The following SUCO variants were observed in gnomAD, a reference collection of about 807,000 sequenced individuals.
SUCO encodes the protein SUN domain-containing ossification factor.
Under a neutral mutation model 148.1 loss-of-function variants are expected in SUCO, and 57 were observed. The ratio of observed to expected loss-of-function variants is 0.38; its 90% CI spans 0.31 to 0.48. The LOEUF (loss-of-function observed/expected upper bound fraction) is 0.48. SUCO is among the 20% of genes least tolerant of loss of function. The probability of loss-of-function intolerance (pLI) is 0.96; values close to 1 mark genes in which losing one functional copy is unlikely to be tolerated. For missense variants in SUCO, 1,331 were observed against 1,468.2 expected (o/e 0.91, Z 1.53); for synonymous variants, 470 against 502.7 (o/e 0.93, Z 0.87).
Position 172,602,749 on chromosome 1 carries a change from T to C in SUCO, c.3227T>C (p.Leu1076Pro). 1 of 1,613,176 alleles carries C rather than the reference T, an allele frequency of 6.2e-7. No individual in the cohort carries two copies. Among genetic ancestry groups the C allele is most frequent in the Non-Finnish European group, 8.5e-7 (1 of 1,179,654 alleles). Residue 1076 changes from leucine to proline, a missense_variant, in exon 22 of 24, where the codon CTC becomes CCC. Transcript: ENST00000263688. ...TTGAAAAGAAGAACTTCATTCCCAC[T>C]CATGAGATCCAAGTCTCTACAGTTA... ...MNLKRRTSFP[L>P]MRSKSLQLTG...
chr1:172,533,126 A>G, upstream of SUCO: 3 of 1,439,728 alleles, frequency 2.1e-6, no homozygotes, highest in South Asian at 4.4e-5. Flanking sequence ...TCACGGAGCA[A>G]GGCCCCCGGC....
rs199539904 is a variant in SUCO at position 172,555,897 on chromosome 1, C to T, written c.317C>T (p.Pro106Leu). ...ACAGAGTCAAAAAAGTTAAGTCCAC[C>T]GGTGGTGGAGACACTCCCTACAGTT... ...QNTESKKLSP[P>L]VVETLPTVDL... The change falls in exon 4 of 24, where the codon CCG becomes CTG. Residue 106 changes from proline to leucine, a missense_variant. Coordinates refer to ENST00000263688, the MANE Select transcript of SUCO (RefSeq NM_014283.5). 2.3e-4 allele frequency: 369 copies of T among 1,611,110 alleles called. No individual in the cohort carries two copies. Among genetic ancestry groups the T allele is most frequent in the Admixed American group, 1.9e-3 (112 of 59,814 alleles).
chr1:172,559,972 C>T (rs1231453827), intron 6 of SUCO, among the ~76,000 whole-genome samples: 3 of 151,650 alleles, frequency 2.0e-5, no homozygotes, highest in South Asian at 4.2e-4. Context: ...AGATACTCCT[C>T]CTTAATCTTA....
At chr1:172,599,230 G>A (rs1356166272) in intron 19 of SUCO, among the ~76,000 whole-genome samples, 1 of 152,188 alleles carries the variant, frequency 6.6e-6, no homozygotes. Context: ...TCGGGAGGCT[G>A]AGGCAGGAGA....
chr1:172,537,735 T>C (rs1652129206), intron 1 of SUCO, among the ~76,000 whole-genome samples: 1 of 152,224 alleles, frequency 6.6e-6, no homozygotes. Context: ...AGCTTATATT[T>C]AGACTTTCGG....
At position 172,557,334 on chromosome 1, in the gene SUCO, G is replaced by A. The variant is rs778188388; in HGVS notation, c.498G>A (p.Gln166=). ...IPIAKPSETE[Q]SETDCDVGEA... ...TAGCCAAACCAAGTGAAACTGAGCA[G>A]TCTGAAACTGATTGTGATGTTGGTG... The change falls in exon 5 of 24, where the codon CAG becomes CAA. Residue 166 remains glutamine (Q), a synonymous_variant. Coordinates refer to ENST00000263688, the MANE Select transcript of SUCO (RefSeq NM_014283.5). The A allele has an allele frequency of 2.1e-5, 34 of 1,613,916 alleles. No homozygotes were observed. The highest frequency in any genetic ancestry group is 2.7e-5 in the Non-Finnish European group (32 of 1,179,924).
intron 6 of SUCO, among the ~76,000 whole-genome samples, chr1:172,567,582 C>A (rs549915578): frequency 6.6e-6 from 1 of 152,230 alleles, no homozygotes; most frequent in East Asian, 1.9e-4. Context: ...ATTGTTTCCA[C>A]TGCTCTGTTT....
At chr1:172,571,441 TC>T (rs1204350543) in intron 9 of SUCO, among the ~76,000 whole-genome samples, 2 of 151,848 alleles carry the variant, frequency 1.3e-5, no homozygotes, top group African/African-American at 4.8e-5. Context: ...TGCCTTGGCC[TC>T]CCAAAGTGCC....
intron 6 of SUCO, among the ~76,000 whole-genome samples, chr1:172,566,362 C>T (rs1654551116): frequency 6.6e-6 from 1 of 152,230 alleles, no homozygotes; most frequent in Non-Finnish European, 1.5e-5. Flanking sequence ...TTCTCTCCAT[C>T]TCTGCTGTTG....
chr1:172,558,747 G>A (rs1653928502), intron 6 of SUCO, among the ~76,000 whole-genome samples: 1 of 152,206 alleles, frequency 6.6e-6, no homozygotes, highest in Non-Finnish European at 1.5e-5. Flanking sequence ...AAGTTTAGTT[G>A]TCAGATATCA....
intron 1 of SUCO, among the ~76,000 whole-genome samples, chr1:172,536,009 A>G (rs984861400): frequency 6.6e-6 from 1 of 152,238 alleles, no homozygotes; most frequent in Non-Finnish European, 1.5e-5. Flanking sequence ...TTCTAGGCAT[A>G]AATGCACTAT....
At chr1:172,547,340 C>G (rs1416325015) in intron 1 of SUCO, among the ~76,000 whole-genome samples, 1 of 152,176 alleles carries the variant, frequency 6.6e-6, no homozygotes, top group Admixed American at 6.5e-5. Context: ...GGAGTAAAAA[C>G]TACTATGGAC....
intron 6 of SUCO, among the ~76,000 whole-genome samples, chr1:172,558,478 A>G (rs1317047338): frequency 6.6e-6 from 1 of 152,010 alleles, no homozygotes. Flanking sequence ...AATAGGGTCC[A>G]TGAGTAGTTC....
chr1:172,564,804 A>C (rs1571219175), intron 6 of SUCO, among the ~76,000 whole-genome samples: 1 of 152,156 alleles, frequency 6.6e-6, no homozygotes. Flanking sequence ...AAGAGAAAAC[A>C]TTTTCTATCC....
intron 19 of SUCO, among the ~76,000 whole-genome samples, chr1:172,595,184 CAT>C (rs946817460): frequency 6.6e-6 from 1 of 152,144 alleles, no homozygotes; most frequent in Non-Finnish European, 1.5e-5. Flanking sequence ...TGTCTCTGCA[CAT>C]GAGATGGGTC....
chr1:172,607,111 T>C (rs1376398283), intron 22 of SUCO, among the ~76,000 whole-genome samples: 1 of 151,984 alleles, frequency 6.6e-6, no homozygotes, highest in African/African-American at 2.4e-5. Context: ...TAATTATCTT[T>C]ATAGTTTGTG....
Position 172,610,915 on chromosome 1 carries a change from T to G in SUCO, c.*656T>G, listed in dbSNP as rs571692482. ...TTATTTTCACTTATTCAGACTGGAT[T>G]ACTTCTTACTTAGTTACTAACTCAA... is the stretch of plus-strand genomic sequence containing the variant. On this transcript the variant is annotated 3_prime_UTR_variant, in exon 24 of 24. Coordinates refer to ENST00000263688, the MANE Select transcript of SUCO (RefSeq NM_014283.5). 6.6e-6 allele frequency: 1 copy of G among 152,670 alleles called. No individual in the cohort carries two copies. Among genetic ancestry groups the G allele is most frequent in the Non-Finnish European group, 1.5e-5 (1 of 68,022 alleles). The allele number at this position is 152,670 out of a possible 1,614,324, so 9.5% of individuals were successfully genotyped here. A position where few individuals can be genotyped will look rare whatever the true frequency, so the allele number is the denominator to read the frequency against.
chr1:172,595,890 T>G (rs1479357146), intron 19 of SUCO, among the ~76,000 whole-genome samples: 1 of 152,216 alleles, frequency 6.6e-6, no homozygotes, highest in African/African-American at 2.4e-5. Context: ...TTGGTTCCAT[T>G]TTCCCCGTCA....
intron 9 of SUCO, among the ~76,000 whole-genome samples, chr1:172,571,453 A>G (rs995011983): frequency 3.3e-5 from 5 of 151,960 alleles, no homozygotes; most frequent in African/African-American, 9.7e-5. Flanking sequence ...CCAAAGTGCC[A>G]AGATTGCAGC....
Sources: allele counts gnomAD v4.1 joint callset (sites outside exome capture counted in the v4.1 genomes callset), GRCh38; gene constraint gnomAD v4.1.1; transcripts MANE v1.5; gene names NCBI Gene and HGNC (gene_info 2026-07-23, HGNC 2026-07-21).